The following LRRN2 variants were observed in gnomAD, a reference collection of about 807,000 sequenced individuals.
LRRN2 encodes the protein leucine-rich repeat neuronal protein 2.
A neutral mutation model predicts 35.7 loss-of-function variants in LRRN2; 10 were observed. The observed-to-expected ratio is 0.28, with a 90% CI of 0.17 to 0.47. The LOEUF (loss-of-function observed/expected upper bound fraction) is 0.47, where lower values mean the gene tolerates loss of function less well. LRRN2 is among the 20% of genes least tolerant of loss of function. The pLI is 0.99. For synonymous variants in LRRN2, 391 were observed against 409.6 expected (o/e 0.95, Z 0.55); for missense variants, 731 against 940.3 (o/e 0.78, Z 2.91).
chr1:204,642,091 T>C (rs1667991262), intron 1 of LRRN2, among the ~76,000 whole-genome samples: 1 of 152,208 alleles, frequency 6.6e-6, no homozygotes, highest in African/African-American at 2.4e-5. Context: ...TTGGAGGCTG[T>C]ATTAGCCAGT....
At chr1:204,664,648 C>G (rs1668539750) in intron 1 of LRRN2, 1 of 152,188 alleles carries the variant, frequency 6.6e-6, no homozygotes, top group South Asian at 2.1e-4. Context: ...AGCACAGACC[C>G]TTCTTGCTTA....
chr1:204,652,434 G>T (rs1452471705), intron 1 of LRRN2, among the ~76,000 whole-genome samples: 7 of 20,808 alleles, frequency 3.4e-4, no homozygotes, highest in Non-Finnish European at 8.9e-4. Flanking sequence ...GAGCAAAGAA[G>T]GACCGAGCTA....
At chr1:204,643,095 A>G (rs529873461) in intron 1 of LRRN2, among the ~76,000 whole-genome samples, 6 of 152,216 alleles carry the variant, frequency 3.9e-5, no homozygotes, top group Admixed American at 6.5e-5. Context: ...CTCCCCACAC[A>G]TGGGGTTGCC....
At chr1:204,630,303 G>T (rs1667652137) in intron 1 of LRRN2, among the ~76,000 whole-genome samples, 1 of 151,796 alleles carries the variant, frequency 6.6e-6, no homozygotes, top group Non-Finnish European at 1.5e-5. Flanking sequence ...CCTCAGGGAA[G>T]GGTCGGGTGG....
At position 204,620,195 on chromosome 1, in the gene LRRN2, T is replaced by G; in HGVS notation, c.-203A>C. ...TCTGGGGCTGGGCCTGCTCAGTCAT[T>G]GCCAGGCCCCATCAGGGGCAGCCCT... On this transcript the variant is annotated 5_prime_UTR_variant, in exon 2 of 2. Transcript: ENST00000367177. 3 of 1,443,132 alleles carry G rather than the reference T, an allele frequency of 2.1e-6. No individual in the cohort carries two copies. Among genetic ancestry groups the G allele is most frequent in the Non-Finnish European group, 2.7e-6 (3 of 1,096,776 alleles). The allele number at this position is 1,443,132 out of a possible 1,614,324, so 89.4% of individuals were successfully genotyped here. A position where few individuals can be genotyped will look rare whatever the true frequency, so the allele number is the denominator to read the frequency against.
At chr1:204,666,455 C>T (rs1444727753) in intron 1 of LRRN2, among the ~76,000 whole-genome samples, 2 of 152,210 alleles carry the variant, frequency 1.3e-5, no homozygotes, top group Non-Finnish European at 2.9e-5. Flanking sequence ...TATTGCTAAA[C>T]ATTTATTAAG....
At chr1:204,677,049 A>T (rs1475949654) in intron 1 of LRRN2, among the ~76,000 whole-genome samples, 1 of 152,218 alleles carries the variant, frequency 6.6e-6, no homozygotes, top group Non-Finnish European at 1.5e-5. Context: ...ATAAGCACTC[A>T]ATAACGTTAG....
chr1:204,619,811 G>C lies in LRRN2; in HGVS notation c.182C>G (p.Thr61Arg). ...TTVDCNDLFL[T>R]AVPPALPAGT... ...TGCGGGGAGTGCCGGGGGGACTGCC[G>C]TCAGGAATAGGTCATTGCAGTCCAC... Residue 61 changes from threonine (T) to arginine (R), a missense_variant, in exon 2 of 2, where the codon ACG becomes AGG. Transcript: ENST00000367177. The C allele has an allele frequency of 6.2e-7, 1 of 1,614,042 alleles. No individual in the cohort carries two copies. Among genetic ancestry groups the C allele is most frequent in the Non-Finnish European group, 8.5e-7 (1 of 1,179,940 alleles).
chr1:204,668,412 T>C (rs777914613), intron 1 of LRRN2, among the ~76,000 whole-genome samples: 2 of 152,166 alleles, frequency 1.3e-5, no homozygotes, highest in African/African-American at 2.4e-5. Context: ...CTGGCCAACA[T>C]GGTGAAACCC....
intron 1 of LRRN2, among the ~76,000 whole-genome samples, chr1:204,637,546 C>T (rs1451908434): frequency 6.6e-6 from 1 of 152,190 alleles, no homozygotes; most frequent in African/African-American, 2.4e-5. Flanking sequence ...CTGCTCTGTG[C>T]AGATGCCCCT....
At chr1:204,635,249 C>T (rs541893404) in intron 1 of LRRN2, among the ~76,000 whole-genome samples, 9 of 152,196 alleles carry the variant, frequency 5.9e-5, no homozygotes, top group African/African-American at 2.2e-4. Context: ...AAGCGTTGGA[C>T]AATATTATTT....
intron 1 of LRRN2, among the ~76,000 whole-genome samples, chr1:204,682,108 C>T (rs1472790420): frequency 6.6e-6 from 1 of 152,164 alleles, no homozygotes; most frequent in East Asian, 1.9e-4. Context: ...ATTAAGAACA[C>T]AAGTGACATT....
intron 1 of LRRN2, among the ~76,000 whole-genome samples, chr1:204,634,863 C>T (rs1281497382): frequency 1.3e-5 from 2 of 152,192 alleles, no homozygotes. Context: ...GGGCAAGATG[C>T]TTTATTTCTA....
chr1:204,630,056 G>A (rs931775282), intron 1 of LRRN2, among the ~76,000 whole-genome samples: 5 of 152,128 alleles, frequency 3.3e-5, no homozygotes, highest in Admixed American at 6.5e-5. Flanking sequence ...ATTTTCCTCA[G>A]TAACAAATCT....
At chr1:204,674,661 C>T (rs1668784980) in intron 1 of LRRN2, among the ~76,000 whole-genome samples, 2 of 152,218 alleles carry the variant, frequency 1.3e-5, no homozygotes, top group South Asian at 4.1e-4. Flanking sequence ...GCAGGTGCAG[C>T]CTGGGCCAGT....
intron 1 of LRRN2, among the ~76,000 whole-genome samples, chr1:204,660,092 G>C (rs1480132683): frequency 1.3e-5 from 2 of 152,212 alleles, no homozygotes; most frequent in African/African-American, 4.8e-5. Flanking sequence ...TCTCTTTCCA[G>C]AGGACCCTCA....
At position 204,617,836 on chromosome 1, in the gene LRRN2, A is replaced by G; in HGVS notation, c.*15T>C. ...AGTCCTAGTGATTTCTCTACTGCTG[A>G]GAACAGGCTGAGCTTCAAGAATTTT... On this transcript the variant is annotated 3_prime_UTR_variant, in exon 2 of 2. Coordinates refer to ENST00000367177, the MANE Select transcript of LRRN2 (RefSeq NM_201630.2). 1 of 1,613,754 alleles carries G rather than the reference A, an allele frequency of 6.2e-7. No homozygotes were observed. The highest frequency in any genetic ancestry group is 8.5e-7 in the Non-Finnish European group (1 of 1,179,702).
chr1:204,656,498 A>G (rs531403288), intron 1 of LRRN2, among the ~76,000 whole-genome samples: 4 of 152,206 alleles, frequency 2.6e-5, no homozygotes, highest in African/African-American at 9.6e-5. Flanking sequence ...CTTGTTTTCC[A>G]CCTTGTTTTG....
At chr1:204,684,097 G>A (rs556413087) in intron 1 of LRRN2, among the ~76,000 whole-genome samples, 16 of 152,302 alleles carry the variant, frequency 1.1e-4, no homozygotes, top group African/African-American at 3.8e-4. Flanking sequence ...GGGAAAGGGG[G>A]GCACGGAGCC....
Sources: allele counts gnomAD v4.1 joint callset (sites outside exome capture counted in the v4.1 genomes callset), GRCh38; gene constraint gnomAD v4.1.1; transcripts MANE v1.5; gene names NCBI Gene and HGNC (gene_info 2026-07-23, HGNC 2026-07-21).